The following RPS6KC1 variants were observed in gnomAD, a reference collection of about 807,000 sequenced individuals.
The protein encoded by RPS6KC1 is inactive ribosomal protein S6 kinase delta-1.
Under a neutral mutation model 103.8 loss-of-function variants are expected in RPS6KC1, and 54 were observed. That is an observed-to-expected ratio of 0.52 (90% CI 0.42 to 0.65). RPS6KC1 has a LOEUF of 0.65. RPS6KC1 is among the 30% of genes least tolerant of loss of function. RPS6KC1 has a pLI of 0.00. For synonymous variants in RPS6KC1, 439 were observed against 438.7 expected (o/e 1.00, Z -0.01); for missense variants, 1,151 against 1,253.8 (o/e 0.92, Z 1.24).
chr1:213,239,392 A>G (rs1457637788), intron 10 of RPS6KC1, among the ~76,000 whole-genome samples: 2 of 152,150 alleles, frequency 1.3e-5, no homozygotes, highest in Non-Finnish European at 2.9e-5. Flanking sequence ...GATCGCTGCT[A>G]CAAAGAGGTG....
the RPS6KC1 span, among the ~76,000 whole-genome samples, chr1:213,739,059 TTGAAC>T: frequency 6.6e-6 from 1 of 152,030 alleles, no homozygotes; most frequent in East Asian, 1.9e-4. Flanking sequence ...CAACACGGGT[TTGAAC>T]TGCATGGGTC....
chr1:213,608,092 C>T, the RPS6KC1 span, among the ~76,000 whole-genome samples: 1 of 152,116 alleles, frequency 6.6e-6, no homozygotes, highest in Non-Finnish European at 1.5e-5. Flanking sequence ...CTAAGTTTGT[C>T]AACTCTCTGT....
At chr1:213,521,456 G>T in the RPS6KC1 span, among the ~76,000 whole-genome samples, 54 of 152,304 alleles carry the variant, frequency 3.5e-4, 1 homozygote, top group East Asian at 8.7e-3. Context: ...GATGGTGATT[G>T]CTGATGGTTG....
At chr1:213,748,013 G>A in the RPS6KC1 span, among the ~76,000 whole-genome samples, 1 of 152,112 alleles carries the variant, frequency 6.6e-6, no homozygotes, top group Admixed American at 6.5e-5. Flanking sequence ...GCTATTAATT[G>A]AGCATCTACT....
chr1:213,583,529 A>G, the RPS6KC1 span, among the ~76,000 whole-genome samples: 1 of 152,202 alleles, frequency 6.6e-6, no homozygotes, highest in Non-Finnish European at 1.5e-5. Context: ...TGTTAAAAAT[A>G]CAGATTCCAG....
chr1:213,510,715 T>C, the RPS6KC1 span, among the ~76,000 whole-genome samples: 1 of 152,168 alleles, frequency 6.6e-6, no homozygotes, highest in South Asian at 2.1e-4. Context: ...ACCCAGATCC[T>C]CCCTGAATTC....
At chr1:213,778,882 C>T in the RPS6KC1 span, among the ~76,000 whole-genome samples, 1 of 152,076 alleles carries the variant, frequency 6.6e-6, no homozygotes, top group African/African-American at 2.4e-5. Context: ...CACCAGGCTT[C>T]CACCCCACCG....
the RPS6KC1 span, among the ~76,000 whole-genome samples, chr1:213,340,502 A>G: frequency 1.3e-5 from 2 of 152,216 alleles, no homozygotes; most frequent in Non-Finnish European, 2.9e-5. Context: ...TATATTTGAG[A>G]CAGTTAATTA....
At chr1:213,569,354 A>C in the RPS6KC1 span, among the ~76,000 whole-genome samples, 1 of 152,298 alleles carries the variant, frequency 6.6e-6, no homozygotes, top group African/African-American at 2.4e-5. Flanking sequence ...ATTAAGCATT[A>C]TTAGGGCATC....
intron 3 of RPS6KC1, among the ~76,000 whole-genome samples, chr1:213,082,929 C>G (rs905376886): frequency 6.6e-6 from 1 of 152,100 alleles, no homozygotes; most frequent in Non-Finnish European, 1.5e-5. Flanking sequence ...TAAGGTTGTG[C>G]CTTACACATC....
intron 8 of RPS6KC1, among the ~76,000 whole-genome samples, chr1:213,218,800 G>A (rs140922746): frequency 0.027 from 4,164 of 152,232 alleles, 83 homozygotes; most frequent in Middle Eastern, 0.051. Context: ...AATGGTGCTG[G>A]GAAAACTGGC....
chr1:213,279,614 C>T (rs1426928050), downstream of RPS6KC1, among the ~76,000 whole-genome samples: 1 of 152,120 alleles, frequency 6.6e-6, no homozygotes, highest in Admixed American at 6.5e-5. Flanking sequence ...GATCTTTGCT[C>T]TTAGAAGACA....
At chr1:213,125,302 T>C (rs2084849823) in intron 5 of RPS6KC1, among the ~76,000 whole-genome samples, 2 of 152,252 alleles carry the variant, frequency 1.3e-5, no homozygotes, top group East Asian at 1.9e-4. Context: ...TAAGACACTT[T>C]AGCATTAAAT....
chr1:213,712,704 C>G, the RPS6KC1 span, among the ~76,000 whole-genome samples: 8 of 152,312 alleles, frequency 5.3e-5, no homozygotes, highest in Non-Finnish European at 1.5e-5. Context: ...AGCATAGTAT[C>G]TGGGCCGGAT....
At chr1:213,662,980 C>A in the RPS6KC1 span, among the ~76,000 whole-genome samples, 1 of 152,190 alleles carries the variant, frequency 6.6e-6, no homozygotes, top group Non-Finnish European at 1.5e-5. Context: ...CTAGAAGTAG[C>A]CTGTCCACCC....
At position 213,089,742 on chromosome 1, in the gene RPS6KC1, G is replaced by A. The variant is rs1007787901; in HGVS notation, c.262+11926G>A. On this transcript the variant is annotated intron_variant, in intron 3 of 14. Coordinates refer to ENST00000366960, the MANE Select transcript of RPS6KC1 (RefSeq NM_012424.6). ...CTCCCAAAGTGCTGGGATTACAGGC[G>A]TGAGCCACCGCGCCCGGCCCCATTT... 1.3e-4 allele frequency among the ~76,000 whole-genome samples: 20 copies of A among 152,256 alleles called. 1 individual carries two copies. In the East Asian group the frequency reaches 1.9e-3, roughly 15 times the overall value.
At chr1:213,522,521 C>G in the RPS6KC1 span, among the ~76,000 whole-genome samples, 1 of 152,240 alleles carries the variant, frequency 6.6e-6, no homozygotes, top group Non-Finnish European at 1.5e-5. Flanking sequence ...CCTAACTTCT[C>G]TCTAGCTATG....
At chr1:213,290,077 G>A in the RPS6KC1 span, among the ~76,000 whole-genome samples, 1 of 149,926 alleles carries the variant, frequency 6.7e-6, no homozygotes, top group East Asian at 2.0e-4. Flanking sequence ...CCTGGGAGGC[G>A]GAGCTTGCAG....
chr1:213,650,920 T>C, the RPS6KC1 span, among the ~76,000 whole-genome samples: 1 of 138,442 alleles, frequency 7.2e-6, no homozygotes, highest in African/African-American at 2.8e-5. Context: ...TCATGGCAAC[T>C]TGCATGTTAA....
Sources: allele counts gnomAD v4.1 joint callset (sites outside exome capture counted in the v4.1 genomes callset), GRCh38; gene constraint gnomAD v4.1.1; transcripts MANE v1.5; gene names NCBI Gene and HGNC (gene_info 2026-07-23, HGNC 2026-07-21).